LRRC4C: variants seen among roughly 807,000 people sequenced by gnomAD.
LRRC4C encodes the protein leucine rich repeat containing 4C.
LRRC4C carries 5 observed loss-of-function variants against 33.6 expected under a neutral mutation model. That is an observed-to-expected ratio of 0.15 (90% CI 0.08 to 0.31). The LOEUF is 0.31. Among genes scored for constraint, LRRC4C ranks in the 10% least tolerant of loss-of-function variants. The pLI is 1.00. For synonymous variants in LRRC4C, 329 were observed against 302.0 expected (o/e 1.09, Z -0.93); for missense variants, 560 against 796.7 (o/e 0.70, Z 3.58).
chr11:41,328,081 C>G (rs960120892), intron 1 of LRRC4C, among the ~76,000 whole-genome samples: 2 of 152,162 alleles, frequency 1.3e-5, no homozygotes, highest in Non-Finnish European at 2.9e-5. Flanking sequence ...CTGGGAGGCC[C>G]TAGAGAATGT....
chr11:40,877,374 T>C (rs1954955991), intron 2 of LRRC4C, among the ~76,000 whole-genome samples: 1 of 152,160 alleles, frequency 6.6e-6, no homozygotes, highest in Non-Finnish European at 1.5e-5. Flanking sequence ...ATAATATATT[T>C]TCATTTACAT....
chr11:41,189,458 C>T (rs1465905568), intron 1 of LRRC4C, among the ~76,000 whole-genome samples: 1 of 152,042 alleles, frequency 6.6e-6, no homozygotes, highest in Non-Finnish European at 1.5e-5. Flanking sequence ...GGGTAAGGAC[C>T]AGACTATTTA....
intron 1 of LRRC4C, among the ~76,000 whole-genome samples, chr11:41,094,465 A>G (rs1940673706): frequency 2.0e-5 from 3 of 151,368 alleles, no homozygotes; most frequent in Admixed American, 2.0e-4. Flanking sequence ...CGGAGCTTAC[A>G]GTGAGCCGAG....
At chr11:40,145,059 G>A (rs940365207) in intron 5 of LRRC4C, among the ~76,000 whole-genome samples, 1 of 152,124 alleles carries the variant, frequency 6.6e-6, no homozygotes, top group Non-Finnish European at 1.5e-5. Flanking sequence ...TGCCCCCTGG[G>A]ACAGCCAACA....
rs559105275 is a variant in LRRC4C, at chr11:41,149,243, C to T, written c.-495-215520G>A. ...GGCTGAGGCCGGGTGCGGTGGCTCACGCCTGTAATCCCAGCACTTTGGGAG... is the reference window on the plus strand; with the variant it reads ...GGCTGAGGCCGGGTGCGGTGGCTCATGCCTGTAATCCCAGCACTTTGGGAG... On this transcript the variant is annotated intron_variant, in intron 1 of 6. Coordinates refer to ENST00000528697, the MANE Select transcript of LRRC4C (RefSeq NM_001258419.2). 2.6e-3 allele frequency among the ~76,000 whole-genome samples: 402 copies of T among 152,226 alleles called. 1 individual carries two copies. Among genetic ancestry groups the T allele is most frequent in the African/African-American group, 7.9e-3 (328 of 41,552 alleles).
Position 40,967,994 on chromosome 11 carries a change from A to G in LRRC4C, c.-495-34271T>C, listed in dbSNP as rs957945746. Among the ~76,000 whole-genome samples the G allele has an allele frequency of 2.6e-5, 4 of 152,162 alleles. No homozygotes were observed. In the South Asian group the frequency reaches 8.3e-4, roughly 31 times the overall value. ...GTAGAAAGATTAAGCTTAGTAAGAAAGGGATGTTGAAAGGTCAAAAGCTAG... is the reference window on the plus strand; with the variant it reads ...GTAGAAAGATTAAGCTTAGTAAGAAGGGGATGTTGAAAGGTCAAAAGCTAG... On this transcript the variant is annotated intron_variant, in intron 1 of 6. Transcript: ENST00000528697.
At chr11:40,996,402 T>C (rs1853976543) in intron 1 of LRRC4C, among the ~76,000 whole-genome samples, 1 of 152,162 alleles carries the variant, frequency 6.6e-6, no homozygotes, top group Non-Finnish European at 1.5e-5. Flanking sequence ...GTCAAGGTTT[T>C]AGAAATACTC....
chr11:40,790,742 T>C (rs929590760), intron 2 of LRRC4C, among the ~76,000 whole-genome samples: 3 of 152,228 alleles, frequency 2.0e-5, no homozygotes, highest in Non-Finnish European at 4.4e-5. Context: ...TTTATTTAAA[T>C]AGTCCCTGTT....
chr11:41,179,805 A>G lies in LRRC4C; in HGVS notation c.-495-246082T>C, dbSNP rs183719506. Among the ~76,000 whole-genome samples, 139 of 152,346 alleles carry G rather than the reference A, an allele frequency of 9.1e-4. 1 individual carries two copies. Among genetic ancestry groups the G allele is most frequent in the African/African-American group, 3.2e-3 (134 of 41,578 alleles). The stretch of plus-strand genomic sequence containing the variant: ...TGGCTTTATAGCATAGATACCAGCC[A>G]TTCATGTACTGAATACCTATTTATT... On this transcript the variant is annotated intron_variant, in intron 1 of 6. Coordinates refer to ENST00000528697, the MANE Select transcript of LRRC4C (RefSeq NM_001258419.2).
chr11:40,159,426 C>A (rs1486184958), intron 5 of LRRC4C, among the ~76,000 whole-genome samples: 1 of 152,128 alleles, frequency 6.6e-6, no homozygotes, highest in African/African-American at 2.4e-5. Flanking sequence ...TACAAGGTCA[C>A]AAACATCCCA....
chr11:40,423,405 C>T (rs1207098169), intron 3 of LRRC4C, among the ~76,000 whole-genome samples: 11 of 128,258 alleles, frequency 8.6e-5, no homozygotes, highest in African/African-American at 2.4e-4. Flanking sequence ...AGTGCAGTGG[C>T]GCCATCTCGG....
chr11:40,740,745 T>C (rs960918795), intron 2 of LRRC4C, among the ~76,000 whole-genome samples: 38 of 152,196 alleles, frequency 2.5e-4, no homozygotes, highest in African/African-American at 8.4e-4. Context: ...TATGTTCTCT[T>C]CTAGTAGTTT....
At chr11:40,715,442 G>C (rs1946656668) in intron 2 of LRRC4C, among the ~76,000 whole-genome samples, 1 of 152,152 alleles carries the variant, frequency 6.6e-6, no homozygotes, top group Non-Finnish European at 1.5e-5. Context: ...ACAGTGGTAG[G>C]GAGTGAAAAA....
intron 1 of LRRC4C, among the ~76,000 whole-genome samples, chr11:41,325,126 A>G (rs1345299245): frequency 6.6e-6 from 1 of 152,206 alleles, no homozygotes; most frequent in Admixed American, 6.5e-5. Context: ...AAATTCCTCA[A>G]AAGAAATCAC....
chr11:40,527,586 G>A (rs924471135), intron 3 of LRRC4C, among the ~76,000 whole-genome samples: 1 of 152,048 alleles, frequency 6.6e-6, no homozygotes, highest in Non-Finnish European at 1.5e-5. Context: ...AGGATGGATG[G>A]CAGTATCACA....
rs1299538170 is a variant in LRRC4C at position 40,256,696 on chromosome 11, C to A, written c.-175-15098G>T. On this transcript the variant is annotated intron_variant, in intron 4 of 6. Transcript: ENST00000528697. ...ATACAATACCCCTTTATCTTATCTT[C>A]TCTTAATGAATACTAAATGATGTAG... 3.1e-4 allele frequency among the ~76,000 whole-genome samples: 47 copies of A among 152,188 alleles called. 1 individual carries two copies. Among genetic ancestry groups the A allele is most frequent in the Non-Finnish European group, 1.2e-4 (8 of 68,040 alleles).
At chr11:40,174,484 G>A (rs1413401441) in intron 5 of LRRC4C, among the ~76,000 whole-genome samples, 1 of 152,126 alleles carries the variant, frequency 6.6e-6, no homozygotes, top group Non-Finnish European at 1.5e-5. Context: ...CTGTTAGAAG[G>A]CTATGAACAT....
chr11:40,968,007 G>T (rs1278167613), intron 1 of LRRC4C, among the ~76,000 whole-genome samples: 2 of 151,978 alleles, frequency 1.3e-5, no homozygotes, highest in African/African-American at 2.4e-5. Context: ...GATGTTGAAA[G>T]GTCAAAAGCT....
intron 3 of LRRC4C, among the ~76,000 whole-genome samples, chr11:40,512,268 G>C (rs549119339): frequency 6.6e-6 from 1 of 152,162 alleles, no homozygotes; most frequent in Admixed American, 6.5e-5. Flanking sequence ...CCAGCTACTC[G>C]GCAGCTGAGG....
Sources: allele counts gnomAD v4.1 joint callset (sites outside exome capture counted in the v4.1 genomes callset), GRCh38; gene constraint gnomAD v4.1.1; transcripts MANE v1.5; gene names NCBI Gene and HGNC (gene_info 2026-07-23, HGNC 2026-07-21).